The following ADAM32 variants were observed in gnomAD, a reference collection of about 807,000 sequenced individuals.
ADAM32 encodes disintegrin and metalloproteinase domain-containing protein 32.
A neutral mutation model predicts 114.9 loss-of-function variants in ADAM32; 89 were observed. That is an observed-to-expected ratio of 0.77 (90% CI 0.65 to 0.92). The LOEUF (loss-of-function observed/expected upper bound fraction) is 0.92. Among genes scored for constraint, ADAM32 ranks in the 40% least tolerant of loss-of-function variants. ADAM32 has a pLI of 0.00. For missense variants in ADAM32, 870 were observed against 932.8 expected (o/e 0.93, Z 0.88); for synonymous variants, 285 against 307.5 (o/e 0.93, Z 0.77).
In ADAM32 at chr8:39,281,151, T is replaced by C. The variant is rs1465723011; in HGVS notation, c.2295T>C (p.Asp765=). Residue 765 remains aspartate, a synonymous_variant, in exon 23 of 25, where the codon GAT becomes GAC. Coordinates refer to ENST00000379907, the MANE Select transcript of ADAM32 (RefSeq NM_145004.7). ...TTATTTTTAGATCCAAATCAGAAGA[T>C]AGTGCTGAAGCATATACTAGCAGGT... The part of the protein sequence containing the change: ...QADTSKSKSE[D]SAEAYTSRSK... 8 of 1,357,362 alleles carry C rather than the reference T, an allele frequency of 5.9e-6. No individual in the cohort carries two copies. Among genetic ancestry groups the C allele is most frequent in the Non-Finnish European group, 5.8e-6 (6 of 1,032,138 alleles). 84.1% of individuals were successfully genotyped at this position (1,357,362 alleles called of 1,614,324 possible).
In ADAM32 at chr8:39,223,193, G is replaced by C; in HGVS notation, c.1480G>C (p.Asp494His). Residue 494 changes from aspartate (D) to histidine (H), a missense_variant, in exon 14 of 25, where the codon GAC (aspartate) becomes CAC (histidine). Coordinates refer to ENST00000379907, the MANE Select transcript of ADAM32 (RefSeq NM_145004.7). ...TAATAAGTTTATTTGTTATGACGGA[G>C]ACTGCCATGATCTCGATGCACGTTG... is the stretch of plus-strand genomic sequence containing the variant. ...KNNKFICYDGDCHDLDARCES... is the reference protein window; with the variant it reads ...KNNKFICYDGHCHDLDARCES... 1 of 1,598,584 alleles carries C rather than the reference G, an allele frequency of 6.3e-7. No homozygotes were observed. The highest frequency in any genetic ancestry group is 2.3e-5 in the East Asian group (1 of 44,070).
intron 16 of ADAM32, among the ~76,000 whole-genome samples, chr8:39,244,416 C>T (rs1810761018): frequency 6.6e-6 from 1 of 152,154 alleles, no homozygotes; most frequent in Non-Finnish European, 1.5e-5. Flanking sequence ...AGGCTATAAT[C>T]ACCAGAACAG....
chr8:39,140,496 A>G (rs1585384848), intron 3 of ADAM32, among the ~76,000 whole-genome samples: 2 of 152,176 alleles, frequency 1.3e-5, no homozygotes, highest in Admixed American at 1.3e-4. Flanking sequence ...CATCCCAGGG[A>G]TGAAGCTGAG....
intron 16 of ADAM32, 59 bp from the exon 17 acceptor site, chr8:39,246,024 T>A: frequency 7.8e-7 from 1 of 1,274,128 alleles, no homozygotes; most frequent in Non-Finnish European, 1.1e-6. Context: ...TTTACTGTAA[T>A]GTTATGATGA....
intron 2 of ADAM32, among the ~76,000 whole-genome samples, chr8:39,135,660 C>A (rs891352059): frequency 6.6e-6 from 1 of 152,176 alleles, no homozygotes; most frequent in Non-Finnish European, 1.5e-5. Context: ...CAGCATGCCC[C>A]CTCCCAGGCT....
chr8:39,249,542 C>T (rs1200296361), intron 17 of ADAM32, among the ~76,000 whole-genome samples: 1 of 152,098 alleles, frequency 6.6e-6, no homozygotes, highest in Non-Finnish European at 1.5e-5. Flanking sequence ...CTGCTTCTGT[C>T]TTCTGAAAGA....
chr8:39,174,439 T>G (rs192120569), intron 10 of ADAM32, among the ~76,000 whole-genome samples: 31 of 150,178 alleles, frequency 2.1e-4, no homozygotes, highest in African/African-American at 6.4e-4. Context: ...TGGTTGTGGC[T>G]ATTTGAACTC....
At chr8:39,270,047 G>A (rs947732061) in intron 19 of ADAM32, among the ~76,000 whole-genome samples, 5 of 152,172 alleles carry the variant, frequency 3.3e-5, no homozygotes, top group Admixed American at 3.3e-4. Context: ...CACGAGAAAG[G>A]CATGGGGGAA....
chr8:39,204,107 G>A (rs551091660), intron 11 of ADAM32, among the ~76,000 whole-genome samples: 2 of 152,186 alleles, frequency 1.3e-5, no homozygotes, highest in African/African-American at 4.8e-5. Context: ...ACAATTATGT[G>A]TCTTGGAGTT....
rs554893035 is a variant in ADAM32, at chr8:39,175,259, G to A, written c.915+5262G>A. On this transcript the variant is annotated intron_variant, in intron 10 of 24. Coordinates refer to ENST00000379907, the MANE Select transcript of ADAM32 (RefSeq NM_145004.7). ...GTGAGAGAGGGAATGCTTGTCTTGTGCCAGTTTATAAGGGGAATGCTTCCA... is the reference window on the plus strand; with the variant it reads ...GTGAGAGAGGGAATGCTTGTCTTGTACCAGTTTATAAGGGGAATGCTTCCA... 6.6e-5 allele frequency among the ~76,000 whole-genome samples: 10 copies of A among 152,240 alleles called. No homozygotes were observed. The South Asian group carries it at 2.1e-3, about 32-fold the overall frequency.
At position 39,121,417 on chromosome 8, in the gene ADAM32, A is replaced by G. The variant is rs138910359; in HGVS notation, c.138+3252A>G. ...TCGAGCAATGAGAACACATGGACAC[A>G]GGGAGGGGAACATCACACACTGGGG... On this transcript the variant is annotated intron_variant, in intron 2 of 24. Transcript: ENST00000379907. Among the ~76,000 whole-genome samples the G allele has an allele frequency of 2.6e-5, 4 of 150,998 alleles. No homozygotes were observed. In the East Asian group the frequency reaches 7.9e-4, roughly 30 times the overall value.
At chr8:39,203,116 G>A (rs1404127963) in intron 11 of ADAM32, among the ~76,000 whole-genome samples, 1 of 152,214 alleles carries the variant, frequency 6.6e-6, no homozygotes, top group Non-Finnish European at 1.5e-5. Context: ...CTGTTGATTT[G>A]GGGTGGAGAG....
At chr8:39,217,649 A>T (rs914417856) in intron 12 of ADAM32, among the ~76,000 whole-genome samples, 1 of 151,646 alleles carries the variant, frequency 6.6e-6, no homozygotes, top group Non-Finnish European at 1.5e-5. Context: ...CTATTAAGAG[A>T]CTCTGATGCA....
intron 17 of ADAM32, among the ~76,000 whole-genome samples, chr8:39,247,872 G>T (rs1368630293): frequency 3.3e-5 from 5 of 150,954 alleles, no homozygotes; most frequent in Non-Finnish European, 7.4e-5. Context: ...CTTTTTGAAG[G>T]GTGATAAGTT....
At position 39,147,533 on chromosome 8, in the gene ADAM32, A is replaced by G. The variant is rs995594400; in HGVS notation, c.276+328A>G. On this transcript the variant is annotated intron_variant, in intron 4 of 24. Coordinates refer to ENST00000379907, the MANE Select transcript of ADAM32 (RefSeq NM_145004.7). Reference sequence around the variant, plus strand: ...TATGAGACACAAATCACAGATCAAAAACTCTTTGTTTTTTTCTTAACTCTT... The same window carrying G: ...TATGAGACACAAATCACAGATCAAAGACTCTTTGTTTTTTTCTTAACTCTT... Among the ~76,000 whole-genome samples the G allele has an allele frequency of 2.0e-5, 3 of 152,092 alleles. No individual in the cohort carries two copies. The East Asian group carries it at 5.8e-4, about 29-fold the overall frequency.
At chr8:39,211,939 A>G (rs1262565326) in intron 12 of ADAM32, among the ~76,000 whole-genome samples, 5 of 152,172 alleles carry the variant, frequency 3.3e-5, no homozygotes, top group Non-Finnish European at 7.4e-5. Flanking sequence ...ATATCACATT[A>G]TTTTAATTAC....
intron 22 of ADAM32, among the ~76,000 whole-genome samples, chr8:39,279,480 C>T (rs1416090409): frequency 6.6e-6 from 1 of 152,156 alleles, no homozygotes; most frequent in African/African-American, 2.4e-5. Context: ...GACGGGGTTT[C>T]ACCATCTTGG....
intron 16 of ADAM32, among the ~76,000 whole-genome samples, chr8:39,238,289 C>T (rs1411538126): frequency 1.3e-5 from 2 of 152,210 alleles, no homozygotes; most frequent in African/African-American, 4.8e-5. Context: ...AACTGAAAGT[C>T]CAGTAGCTCC....
intron 15 of ADAM32, among the ~76,000 whole-genome samples, chr8:39,233,555 AC>A (rs1809889107): frequency 6.6e-6 from 1 of 152,078 alleles, no homozygotes; most frequent in African/African-American, 2.4e-5. Context: ...TCAGCTTATG[AC>A]CTGTATCTTA....
Sources: gnomAD v4.1 joint callset for allele counts (sites outside exome capture counted in the v4.1 genomes callset) on GRCh38, gnomAD v4.1.1 for gene constraint, MANE v1.5 for transcripts, NCBI Gene and HGNC (gene_info 2026-07-23, HGNC 2026-07-21) for gene names.